TNFRSF10D: variants seen among roughly 807,000 people sequenced by gnomAD.
TNFRSF10D encodes tumor necrosis factor receptor superfamily member 10D.
A neutral mutation model predicts 42.1 loss-of-function variants in TNFRSF10D; 28 were observed. The observed-to-expected ratio is 0.66, with a 90% CI of 0.49 to 0.91. The LOEUF (loss-of-function observed/expected upper bound fraction) is 0.91, where lower values mean the gene tolerates loss of function less well. Ranked by LOEUF, TNFRSF10D falls within the 40% of genes least tolerant of loss-of-function variation. The probability of loss-of-function intolerance (pLI) is 0.00; values close to 1 mark genes in which losing one functional copy is unlikely to be tolerated. For synonymous variants in TNFRSF10D, 186 were observed against 189.4 expected (o/e 0.98, Z 0.15); for missense variants, 503 against 486.1 (o/e 1.03, Z -0.33).
chr8:23,139,953 G>C (rs1000967911), intron 7 of TNFRSF10D, among the ~76,000 whole-genome samples: 2 of 152,070 alleles, frequency 1.3e-5, no homozygotes, highest in Non-Finnish European at 2.9e-5. Flanking sequence ...AGACCAGCAC[G>C]ACCAACATGG....
In TNFRSF10D at chr8:23,137,324, T is replaced by C. The variant is rs1814348854; in HGVS notation, c.*546A>G. On this transcript the variant is annotated 3_prime_UTR_variant, in exon 9 of 9. Transcript: ENST00000312584. The stretch of plus-strand genomic sequence containing the variant: ...ATCCCGTTCTAAAGTTAAAAAACTA[T>C]AAGGCAAAGCATTGTGGCTGTGCGG... 6.6e-6 allele frequency: 1 copy of C among 152,412 alleles called. No individual in the cohort carries two copies. The highest frequency in any genetic ancestry group is 2.1e-4 in the South Asian group (1 of 4,848). The allele number at this position is 152,412 out of a possible 1,614,324, so 9.4% of individuals were successfully genotyped here.
intron 6 of TNFRSF10D, 137 bp from the exon 7 acceptor site, chr8:23,144,772 C>A (rs1301702995): frequency 1.8e-6 from 2 of 1,124,160 alleles, no homozygotes; most frequent in Non-Finnish European, 2.5e-6. Flanking sequence ...ACATCCAGGA[C>A]CCCATGCTGA....
In TNFRSF10D at chr8:23,148,539, G is replaced by C. The variant is rs1359924663; in HGVS notation, c.269C>G (p.Ser90Ter). 6.2e-7 allele frequency: 1 copy of C among 1,606,810 alleles called. No individual in the cohort carries two copies. The highest frequency in any genetic ancestry group is 8.5e-7 in the Non-Finnish European group (1 of 1,175,026). Reference sequence around the variant, plus strand: ...CGGGTTACAGGCTCCAGTATATTCTGATCTATGAGATCCTGGGAAGGGAGA... The same window carrying C: ...CGGGTTACAGGCTCCAGTATATTCTCATCTATGAGATCCTGGGAAGGGAGA... ...EEECPAGSHR[S>*]EYTGACNPCT... is the part of the protein sequence containing the mutation. Residue 90 changes from serine to a stop codon, truncating the protein, a stop_gained, in exon 3 of 9, where the codon TCA becomes TGA. Transcript: ENST00000312584. LOFTEE classifies it high-confidence loss of function.
At chr8:23,148,586 C>A in intron 2 of TNFRSF10D, 35 bp from the exon 3 acceptor site, 1 of 1,502,818 alleles carries the variant, frequency 6.7e-7, no homozygotes, top group South Asian at 1.1e-5. Flanking sequence ...GAATGAGTCA[C>A]CACAGAATTC....
Position 23,148,270 on chromosome 8 carries a change from A to C in TNFRSF10D, c.370+168T>G, listed in dbSNP as rs1053301413. ...ATAAATAAATAAAAGAAAAGAAAAA[A>C]AAGATTTCTATTTTTTTTTTTTAAT... On this transcript the variant is annotated intron_variant, in intron 3 of 8. Coordinates refer to ENST00000312584, the MANE Select transcript of TNFRSF10D (RefSeq NM_003840.5). Among the ~76,000 whole-genome samples the C allele has an allele frequency of 5.3e-5, 8 of 151,496 alleles. No homozygotes were observed. The East Asian group carries it at 1.5e-3, about 29-fold the overall frequency.
rs1439578040 is a variant in TNFRSF10D at position 23,137,988 on chromosome 8, T to G, written c.1043A>C (p.Asp348Ala). Reference protein sequence around the residue: ...ADSADISTLLDASATLEEGHA... With the variant: ...ADSADISTLLAASATLEEGHA... ...TCCTTCTTCCAGTGTTGCCGAGGCA[T>G]CCAGCAAGGTGCTGACTGAGAAGAG... is the stretch of plus-strand genomic sequence containing the variant. The change falls in exon 9 of 9, where the codon GAT becomes GCT. Residue 348 changes from aspartate (D) to alanine (A), a missense_variant. Asp to Ala is a moderately radical substitution (Grantham distance 126). Coordinates refer to ENST00000312584, the MANE Select transcript of TNFRSF10D (RefSeq NM_003840.5). The G allele has an allele frequency of 1.2e-6, 2 of 1,614,158 alleles. No homozygotes were observed. The highest frequency in any genetic ancestry group is 3.3e-5 in the Admixed American group (2 of 60,016).
chr8:23,143,272 G>A (rs1218496336), intron 7 of TNFRSF10D, among the ~76,000 whole-genome samples: 2 of 146,496 alleles, frequency 1.4e-5, no homozygotes, highest in Non-Finnish European at 1.5e-5. Flanking sequence ...CACGGCGCCC[G>A]GCCGACTGAG....
intron 2 of TNFRSF10D, among the ~76,000 whole-genome samples, chr8:23,149,301 G>A (rs937851217): frequency 2.7e-4 from 41 of 151,356 alleles, no homozygotes; most frequent in African/African-American, 5.6e-4. Context: ...GCAATGGCGC[G>A]ACCTTGGCTC....
chr8:23,148,976 G>A (rs1800170106), intron 2 of TNFRSF10D, among the ~76,000 whole-genome samples: 1 of 151,524 alleles, frequency 6.6e-6, no homozygotes, highest in Non-Finnish European at 1.5e-5. Context: ...GAATCACGAG[G>A]TCAGGAGATC....
chr8:23,143,805 A>G (rs75960022), intron 7 of TNFRSF10D, among the ~76,000 whole-genome samples: 925 of 152,238 alleles, frequency 6.1e-3, no homozygotes, highest in African/African-American at 0.019. Flanking sequence ...AAACCAAATC[A>G]TTCTTTAAAA....
chr8:23,140,373 CAG>C (rs1814440056), intron 7 of TNFRSF10D, among the ~76,000 whole-genome samples: 1 of 68,938 alleles, frequency 1.5e-5, no homozygotes, highest in South Asian at 6.6e-4. Context: ...CCATTTACAA[CAG>C]ACACACACAC....
intron 1 of TNFRSF10D, among the ~76,000 whole-genome samples, chr8:23,157,155 C>T (rs902989032): frequency 1.3e-5 from 2 of 152,120 alleles, no homozygotes; most frequent in Non-Finnish European, 2.9e-5. Flanking sequence ...ATGTTTTTAT[C>T]ACTCCAGAAA....
rs1814324565 is a variant in TNFRSF10D at position 23,136,177 on chromosome 8, C to T, written c.*1693G>A. On this transcript the variant is annotated 3_prime_UTR_variant, in exon 9 of 9. Coordinates refer to ENST00000312584, the MANE Select transcript of TNFRSF10D (RefSeq NM_003840.5). ...CGTAATTTATCCTACCACGACTGGGCTACTGTGGAGAAGAGTTTGCTGGAA... is the reference window on the plus strand; with the variant it reads ...CGTAATTTATCCTACCACGACTGGGTTACTGTGGAGAAGAGTTTGCTGGAA... 3.9e-6 allele frequency: 1 copy of T among 256,810 alleles called. No individual in the cohort carries two copies. Among genetic ancestry groups the T allele is most frequent in the South Asian group, 4.3e-5 (1 of 23,284 alleles). The allele number at this position is 256,810 out of a possible 1,614,324, so 15.9% of individuals were successfully genotyped here.
In TNFRSF10D at chr8:23,135,847, C is replaced by A. The variant is rs1010161024; in HGVS notation, c.*2023G>T. On this transcript the variant is annotated 3_prime_UTR_variant, in exon 9 of 9. Coordinates refer to ENST00000312584, the MANE Select transcript of TNFRSF10D (RefSeq NM_003840.5). Reference sequence around the variant, plus strand: ...GACAAAGGAGCTGGGACCGGACTGGCTCTCTCTGAGCTTTGAGACCAAGTC... The same window carrying A: ...GACAAAGGAGCTGGGACCGGACTGGATCTCTCTGAGCTTTGAGACCAAGTC... 4.9e-5 allele frequency: 22 copies of A among 449,304 alleles called. No individual in the cohort carries two copies. The highest frequency in any genetic ancestry group is 3.1e-5 in the Non-Finnish European group (7 of 224,352). 27.8% of individuals were successfully genotyped at this position (449,304 alleles called of 1,614,324 possible).
intron 1 of TNFRSF10D, among the ~76,000 whole-genome samples, chr8:23,159,856 C>T (rs1205812141): frequency 6.6e-6 from 1 of 151,884 alleles, no homozygotes; most frequent in African/African-American, 2.4e-5. Flanking sequence ...GAACAATACT[C>T]CATCTCAAGA....
chr8:23,140,026 A>G (rs1039855200), intron 7 of TNFRSF10D, among the ~76,000 whole-genome samples: 1 of 152,154 alleles, frequency 6.6e-6, no homozygotes, highest in Non-Finnish European at 1.5e-5. Context: ...ACGGTGGCTC[A>G]CGCCTGTAAT....
At chr8:23,157,598 G>A (rs116478781) in intron 1 of TNFRSF10D, among the ~76,000 whole-genome samples, 952 of 152,128 alleles carry the variant, frequency 6.3e-3, no homozygotes, top group African/African-American at 0.019. Context: ...CCACTTTACC[G>A]GGGTTTTCAT....
intron 5 of TNFRSF10D, 97 bp from the exon 6 acceptor site, chr8:23,145,186 A>T: frequency 6.6e-7 from 1 of 1,511,154 alleles, no homozygotes; most frequent in Non-Finnish European, 9.0e-7. Context: ...GGGGGCTGGG[A>T]CACTGGACAA....
chr8:23,145,518 G>C, intron 5 of TNFRSF10D, 150 bp downstream of exon 5: 2 of 1,199,646 alleles, frequency 1.7e-6, no homozygotes, highest in African/African-American at 1.5e-5. Flanking sequence ...TACACAGGAC[G>C]TGGGGATGGG....
Sources: gnomAD v4.1 joint callset for allele counts (sites outside exome capture counted in the v4.1 genomes callset) on GRCh38, gnomAD v4.1.1 for gene constraint, MANE v1.5 for transcripts, NCBI Gene and HGNC (gene_info 2026-07-23, HGNC 2026-07-21) for gene names.